The following TYW1B variants were observed in gnomAD, a reference collection of about 807,000 sequenced individuals.
The protein encoded by TYW1B is S-adenosyl-L-methionine-dependent tRNA 4-demethylwyosine synthase TYW1B.
In TYW1B, 73 loss-of-function variants were observed where a neutral mutation model predicts 86.9. The observed-to-expected ratio is 0.84, with a 90% CI of 0.70 to 1.02. The LOEUF (loss-of-function observed/expected upper bound fraction) is 1.02. TYW1B is among the 50% of genes least tolerant of loss of function. The pLI is 0.00. For missense variants in TYW1B, 637 were observed against 827.4 expected (o/e 0.77, Z 2.82); for synonymous variants, 248 against 292.8 (o/e 0.85, Z 1.56).
chr7:72,731,691 C>T (rs1416252751), intron 8 of TYW1B, among the ~76,000 whole-genome samples: 2 of 152,164 alleles, frequency 1.3e-5, no homozygotes, highest in Non-Finnish European at 2.9e-5. Flanking sequence ...CACCTGTAAT[C>T]CCAGCACTTT....
intron 13 of TYW1B, among the ~76,000 whole-genome samples, chr7:72,611,883 C>G (rs111783870): frequency 0.039 from 5,946 of 152,276 alleles, 148 homozygotes; most frequent in Non-Finnish European, 0.058. Context: ...CCCACTAAAC[C>G]ACGAGCTCCT....
chr7:72,625,662 AAAAACAAAAC>A (rs781783786), intron 12 of TYW1B, among the ~76,000 whole-genome samples: 3 of 151,712 alleles, frequency 2.0e-5, no homozygotes, highest in East Asian at 1.9e-4. Flanking sequence ...ACTGTCTCAG[AAAAACAAAAC>A]AAAACAAAAC....
At chr7:72,802,546 T>C (rs781931813) in intron 5 of TYW1B, 24 bp from the exon 6 acceptor site, 12 of 1,613,332 alleles carry the variant, frequency 7.4e-6, no homozygotes, top group South Asian at 4.4e-5. Context: ...GCTTCAGAAA[T>C]ACATTGTTCA....
chr7:72,692,738 C>T (rs2960956), intron 11 of TYW1B, among the ~76,000 whole-genome samples: 2 of 152,000 alleles, frequency 1.3e-5, no homozygotes, highest in East Asian at 1.9e-4. Context: ...AAACTGGGTC[C>T]AGGAGGTGCA....
At chr7:72,700,367 C>T (rs532565254) in intron 10 of TYW1B, among the ~76,000 whole-genome samples, 8 of 151,342 alleles carry the variant, frequency 5.3e-5, no homozygotes, top group African/African-American at 1.7e-4. Context: ...GTAAAGACAG[C>T]GTTTCGCCAC....
chr7:72,789,617 G>C (rs187536696), intron 6 of TYW1B, among the ~76,000 whole-genome samples: 4 of 152,208 alleles, frequency 2.6e-5, no homozygotes, highest in South Asian at 2.1e-4. Flanking sequence ...TATAGTTAGA[G>C]TATTATATTC....
intron 6 of TYW1B, among the ~76,000 whole-genome samples, chr7:72,779,308 A>C (rs1788008599): frequency 6.6e-6 from 1 of 152,268 alleles, no homozygotes; most frequent in Non-Finnish European, 1.5e-5. Flanking sequence ...CTAGGGGAGG[A>C]TGGCCCATAA....
At chr7:72,813,348 G>C (rs782060956) in intron 3 of TYW1B, among the ~76,000 whole-genome samples, 1 of 151,942 alleles carries the variant, frequency 6.6e-6, no homozygotes, top group African/African-American at 2.4e-5. Flanking sequence ...GCTAATTTTT[G>C]TATTTTTAGT....
Position 72,575,556 on chromosome 7 carries a change from T to C in TYW1B, c.1949A>G (p.Asp650Gly). 6.2e-7 allele frequency: 1 copy of C among 1,613,950 alleles called. No individual in the cohort carries two copies. The highest frequency in any genetic ancestry group is 8.5e-7 in the Non-Finnish European group (1 of 1,179,868). Residue 650 changes from aspartate to glycine, a missense_variant, in exon 14 of 14, where the codon GAT becomes GGT. Asp to Gly is a moderately conservative substitution (Grantham distance 94). Coordinates refer to ENST00000620995, the MANE Select transcript of TYW1B (RefSeq NM_001145440.3). ...TCTCTGATGTCTTGTGTCCTTGGGA[T>C]CAAAGCTTCTTTCATTGGCACCAAA... Reference protein sequence around the residue: ...ALFGANERSFDPKDTRHQRKN... With the variant: ...ALFGANERSFGPKDTRHQRKN...
At chr7:72,742,722 C>T (rs1254079464) in intron 8 of TYW1B, among the ~76,000 whole-genome samples, 2 of 151,608 alleles carry the variant, frequency 1.3e-5, no homozygotes, top group Non-Finnish European at 2.9e-5. Flanking sequence ...TTGTAATCCC[C>T]AATAATCATA....
At chr7:72,725,687 T>C (rs183288496) in intron 9 of TYW1B, among the ~76,000 whole-genome samples, 170 of 152,268 alleles carry the variant, frequency 1.1e-3, no homozygotes, top group Non-Finnish European at 2.6e-4. Context: ...ATAAAAAGAT[T>C]GACCTGTTCC....
At chr7:72,609,349 A>T (rs782532330) in intron 13 of TYW1B, among the ~76,000 whole-genome samples, 4 of 152,090 alleles carry the variant, frequency 2.6e-5, no homozygotes, top group Non-Finnish European at 5.9e-5. Context: ...GCTTGAGCCC[A>T]GGAGTTTGAC....
chr7:72,777,472 T>C lies in TYW1B; in HGVS notation c.908A>G (p.Asp303Gly). 1 of 1,614,130 alleles carries C rather than the reference T, an allele frequency of 6.2e-7. No individual in the cohort carries two copies. Among genetic ancestry groups the C allele is most frequent in the Non-Finnish European group, 8.5e-7 (1 of 1,179,994 alleles). ...GLFRNMGRNE[D>G]GERRAMITPA... ...AGTTATCATAGCTCTTCTTTCACCA[T>C]CTTCATTCCTCCCCATGTTCCTGAA... The change falls in exon 7 of 14, where the codon GAT becomes GGT. Residue 303 changes from aspartate (D) to glycine (G), a missense_variant. Asp to Gly is a moderately conservative substitution (Grantham distance 94). Transcript: ENST00000620995.
intron 13 of TYW1B, among the ~76,000 whole-genome samples, chr7:72,581,994 C>T (rs1563017976): frequency 6.6e-6 from 1 of 152,058 alleles, no homozygotes; most frequent in Non-Finnish European, 1.5e-5. Context: ...GTCTTGAACT[C>T]CTGACCTCAG....
intron 10 of TYW1B, among the ~76,000 whole-genome samples, chr7:72,705,764 C>T (rs566783705): frequency 6.6e-6 from 1 of 152,220 alleles, no homozygotes; most frequent in African/African-American, 2.4e-5. Context: ...TAAGAACAAA[C>T]CAGTTCTCTG....
At chr7:72,730,532 A>T (rs1173990715) in intron 8 of TYW1B, among the ~76,000 whole-genome samples, 1 of 142,190 alleles carries the variant, frequency 7.0e-6, no homozygotes, top group Non-Finnish European at 1.5e-5. Flanking sequence ...CAGTCAGACC[A>T]AAAAAAAAAG....
intron 13 of TYW1B, among the ~76,000 whole-genome samples, chr7:72,603,107 TGG>T (rs1811708660): frequency 7.7e-6 from 1 of 130,080 alleles, no homozygotes; most frequent in South Asian, 2.8e-4. Context: ...GATGGATGGA[TGG>T]ATGGATGGAT....
At chr7:72,640,738 T>C (rs191666405) in intron 11 of TYW1B, among the ~76,000 whole-genome samples, 1 of 152,018 alleles carries the variant, frequency 6.6e-6, no homozygotes, top group African/African-American at 2.4e-5. Context: ...AATGGAACAT[T>C]TGTACACATC....
intron 13 of TYW1B, among the ~76,000 whole-genome samples, chr7:72,578,620 A>G (rs782230475): frequency 5.9e-5 from 9 of 152,200 alleles, no homozygotes; most frequent in Non-Finnish European, 1.0e-4. Context: ...CATGTAATTT[A>G]ACATGCATGA....
Sources: allele counts gnomAD v4.1 joint callset (sites outside exome capture counted in the v4.1 genomes callset), GRCh38; gene constraint gnomAD v4.1.1; transcripts MANE v1.5; gene names NCBI Gene and HGNC (gene_info 2026-07-23, HGNC 2026-07-21).